SMOC2: variants seen among roughly 807,000 people sequenced by gnomAD.
The protein encoded by SMOC2 is SPARC-related modular calcium-binding protein 2.
In SMOC2, 39 loss-of-function variants were observed where a neutral mutation model predicts 61.4. That is an observed-to-expected ratio of 0.64 (90% CI 0.49 to 0.83). SMOC2 has a LOEUF of 0.83. Among genes scored for constraint, SMOC2 ranks in the 40% least tolerant of loss-of-function variants. The pLI, the probability that SMOC2 is intolerant of heterozygous loss-of-function variation, is 0.00. For missense variants in SMOC2, 556 were observed against 592.9 expected, an observed-to-expected ratio of 0.94 and a Z score of 0.65; for synonymous variants, 247 against 239.9, an observed-to-expected ratio of 1.03 and a Z score of -0.27.
chr6:168,608,740 A>G (rs1785777274), intron 9 of SMOC2, among the ~76,000 whole-genome samples: 1 of 152,228 alleles, frequency 6.6e-6, no homozygotes, highest in Non-Finnish European at 1.5e-5. Flanking sequence ...AAAATTTATA[A>G]TAATTGAAAA....
chr6:168,517,675 C>T (rs1783176652), intron 2 of SMOC2, among the ~76,000 whole-genome samples: 1 of 152,232 alleles, frequency 6.6e-6, no homozygotes. Flanking sequence ...CCTGAGAGCA[C>T]GGCAATGGCC....
intron 7 of SMOC2, among the ~76,000 whole-genome samples, chr6:168,556,412 G>T (rs1784252830): frequency 6.6e-6 from 1 of 152,108 alleles, no homozygotes; most frequent in Non-Finnish European, 1.5e-5. Context: ...TGCGGCCCCC[G>T]CACCTCCCCA....
intron 7 of SMOC2, among the ~76,000 whole-genome samples, chr6:168,560,525 T>A (rs55685832): frequency 9.3e-5 from 11 of 118,560 alleles, no homozygotes; most frequent in Non-Finnish European, 1.9e-4. Context: ...ACTGCGTTCT[T>A]GGAGGAGGTG....
chr6:168,634,587 C>G (rs1396088433), intron 9 of SMOC2, among the ~76,000 whole-genome samples: 1 of 152,196 alleles, frequency 6.6e-6, no homozygotes, highest in Non-Finnish European at 1.5e-5. Flanking sequence ...AGAGAGAAGT[C>G]CAGCAATTGA....
intron 1 of SMOC2, among the ~76,000 whole-genome samples, chr6:168,455,146 A>C (rs895783419): frequency 2.0e-5 from 3 of 152,138 alleles, no homozygotes; most frequent in African/African-American, 7.2e-5. Context: ...GGCTTTGTCC[A>C]AGAACCAGGC....
rs558305974 is a variant in SMOC2 at position 168,474,128 on chromosome 6, AAT to A, written c.84+32676_84+32677del. 7.2e-4 allele frequency among the ~76,000 whole-genome samples: 110 copies of A among 152,216 alleles called. 1 individual carries two copies. Among genetic ancestry groups the A allele is most frequent in the South Asian group, 2.5e-3 (12 of 4,818 alleles). On this transcript the variant is annotated intron_variant, in intron 1 of 12. Transcript: ENST00000356284. ...CGTGCATTGATGGATTGCTTCATTC[AAT>A]AGTGAGCATTTAGCACAGGTGGGGA... is the stretch of plus-strand genomic sequence containing the variant.
At chr6:168,626,942 A>G (rs1272209905) in intron 9 of SMOC2, among the ~76,000 whole-genome samples, 1 of 152,284 alleles carries the variant, frequency 6.6e-6, no homozygotes, top group East Asian at 1.9e-4. Context: ...CGGGAGAGTC[A>G]TTCTTCTACC....
intron 12 of SMOC2, among the ~76,000 whole-genome samples, chr6:168,665,996 T>C (rs1319188458): frequency 6.6e-6 from 1 of 151,954 alleles, no homozygotes; most frequent in East Asian, 1.9e-4. Context: ...ACTTTTTAAG[T>C]TGGATTTCTT....
intron 7 of SMOC2, among the ~76,000 whole-genome samples, chr6:168,581,409 A>G (rs1364902099): frequency 6.6e-6 from 1 of 152,228 alleles, no homozygotes; most frequent in Non-Finnish European, 1.5e-5. Flanking sequence ...AAGAGGACGA[A>G]GGAGCTTCGC....
rs1562369252 is a variant in SMOC2 at position 168,595,163 on chromosome 6, CGCCGA to C, written c.638-3652_638-3648del. Among the ~76,000 whole-genome samples the C allele has an allele frequency of 1.1e-3, 144 of 126,060 alleles. No individual in the cohort carries two copies. In the Middle Eastern group the frequency reaches 0.013, roughly 11 times the overall value. The allele number at this position is 126,060 out of a possible 152,430, so 82.7% of individuals were successfully genotyped here. ...CACAAGGGGCATCTTTCTAGAGGAT[CGCCGA>C]GCTCCTCCTCCTTCCTGAGGCCTCA... is the stretch of plus-strand genomic sequence containing the variant. On this transcript the variant is annotated intron_variant, in intron 7 of 12. Transcript: ENST00000356284.
At chr6:168,472,229 T>C (rs576708040) in intron 1 of SMOC2, among the ~76,000 whole-genome samples, 6 of 152,170 alleles carry the variant, frequency 3.9e-5, no homozygotes, top group African/African-American at 7.2e-5. Context: ...TTGTCTGTGG[T>C]GTTAGGTAAG....
At chr6:168,519,004 TGA>T (rs938460811) in intron 2 of SMOC2, among the ~76,000 whole-genome samples, 19 of 146,658 alleles carry the variant, frequency 1.3e-4, no homozygotes, top group African/African-American at 4.7e-4. Context: ...CGTGCATGTG[TGA>T]GTATGCGTGC....
intron 2 of SMOC2, among the ~76,000 whole-genome samples, chr6:168,520,562 T>A (rs899778244): frequency 1.3e-4 from 20 of 152,190 alleles, no homozygotes; most frequent in Non-Finnish European, 2.4e-4. Context: ...CCTCGCGAGA[T>A]CCAGAGTCAG....
intron 4 of SMOC2, among the ~76,000 whole-genome samples, chr6:168,538,289 T>TGA (rs1783787433): frequency 1.6e-5 from 1 of 62,552 alleles, no homozygotes; most frequent in South Asian, 6.3e-4. Context: ...TGCTGGAATG[T>TGA]GGGGGAGTGG....
intron 11 of SMOC2, among the ~76,000 whole-genome samples, chr6:168,659,313 C>T (rs1787412685): frequency 6.6e-6 from 1 of 152,056 alleles, no homozygotes; most frequent in Non-Finnish European, 1.5e-5. Context: ...TCGGGGGCCA[C>T]ATGTGAAGCA....
chr6:168,665,660 A>C (rs556225227), intron 12 of SMOC2, among the ~76,000 whole-genome samples: 1 of 152,326 alleles, frequency 6.6e-6, no homozygotes, highest in African/African-American at 2.4e-5. Flanking sequence ...AATCCTAACC[A>C]TCTTTTGAGA....
At chr6:168,587,020 G>T (rs1349767284) in intron 7 of SMOC2, among the ~76,000 whole-genome samples, 1 of 152,138 alleles carries the variant, frequency 6.6e-6, no homozygotes, top group Non-Finnish European at 1.5e-5. Context: ...CAAGAGTTTT[G>T]CTATTTAATT....
intron 7 of SMOC2, among the ~76,000 whole-genome samples, chr6:168,581,059 T>A (rs1784906857): frequency 6.6e-6 from 1 of 152,202 alleles, no homozygotes; most frequent in Non-Finnish European, 1.5e-5. Flanking sequence ...GATTCCCCCC[T>A]GGTTTTTATA....
chr6:168,516,033 A>T lies in SMOC2; in HGVS notation c.256+5947A>T, dbSNP rs2763238. On this transcript the variant is annotated intron_variant, in intron 2 of 12. Transcript: ENST00000356284. Reference sequence around the variant, plus strand: ...TGTCGCCTCGGCACATATGAGGCTGAGGCTGTCTTTAGCATTTTGGGGGCA... The same window carrying T: ...TGTCGCCTCGGCACATATGAGGCTGTGGCTGTCTTTAGCATTTTGGGGGCA... 1.2e-3 allele frequency among the ~76,000 whole-genome samples: 180 copies of T among 152,234 alleles called. 1 individual carries two copies. In the East Asian group the frequency reaches 0.02, roughly 17 times the overall value.
Sources: allele counts gnomAD v4.1 joint callset (sites outside exome capture counted in the v4.1 genomes callset), GRCh38; gene constraint gnomAD v4.1.1; transcripts MANE v1.5; gene names NCBI Gene and HGNC (gene_info 2026-07-23, HGNC 2026-07-21).